Variants in COMMD10 observed in about 807,000 individuals in gnomAD.
The protein encoded by COMMD10 is COMM domain containing 10.
Under a neutral mutation model 28.9 loss-of-function variants are expected in COMMD10, and 33 were observed. The ratio of observed to expected loss-of-function variants is 1.14; its 90% CI spans 0.87 to 1.53. COMMD10 has a LOEUF of 1.53. COMMD10 is among the 40% of genes most tolerant of loss of function. COMMD10 has a pLI of 0.00. For synonymous variants in COMMD10, 110 were observed against 81.7 expected (o/e 1.35, Z -1.87); for missense variants, 310 against 233.4 (o/e 1.33, Z -2.14).
intron 4 of COMMD10, among the ~76,000 whole-genome samples, chr5:116,123,048 C>G (rs1031958584): frequency 2.0e-5 from 3 of 152,094 alleles, no homozygotes; most frequent in Non-Finnish European, 4.4e-5. Flanking sequence ...GCATCCCTGT[C>G]TTGTGCTAGT....
At chr5:116,130,497 G>C (rs1158211117) in intron 4 of COMMD10, among the ~76,000 whole-genome samples, 1 of 151,884 alleles carries the variant, frequency 6.6e-6, no homozygotes, top group Non-Finnish European at 1.5e-5. Context: ...TGTTAGTTGA[G>C]GCCAAAGAAA....
intron 5 of COMMD10, among the ~76,000 whole-genome samples, chr5:116,201,695 C>A (rs902158808): frequency 6.6e-6 from 1 of 151,954 alleles, no homozygotes; most frequent in Non-Finnish European, 1.5e-5. Flanking sequence ...ACCAGAAATC[C>A]CAGCTTAATG....
intron 4 of COMMD10, among the ~76,000 whole-genome samples, chr5:116,098,737 A>G (rs1009736353): frequency 1.3e-5 from 2 of 152,190 alleles, no homozygotes; most frequent in African/African-American, 4.8e-5. Flanking sequence ...CTGAATTCAA[A>G]GAGGGTAAGA....
chr5:116,149,298 T>C (rs1468310359), intron 5 of COMMD10, among the ~76,000 whole-genome samples: 1 of 143,624 alleles, frequency 7.0e-6, no homozygotes, highest in Non-Finnish European at 1.5e-5. Flanking sequence ...CTATTGTGAA[T>C]AGTGCCGCAA....
rs6884520 is a variant in COMMD10 at position 116,243,135 on chromosome 5, C to G, written c.511-48382C>G. Among the ~76,000 whole-genome samples, 1,222 of 152,178 alleles carry G rather than the reference C, an allele frequency of 8.0e-3. 20 individuals carry two copies. Among genetic ancestry groups the G allele is most frequent in the African/African-American group, 0.028 (1,146 of 41,518 alleles). On this transcript the variant is annotated intron_variant, in intron 5 of 6. Coordinates refer to ENST00000274458, the MANE Select transcript of COMMD10 (RefSeq NM_016144.4). ...AACAAATAGACAACTTGTCATATTT[C>G]AAAATTAAATGCTGACTGCACTATG...
At chr5:116,226,572 G>A (rs898939719) in intron 5 of COMMD10, among the ~76,000 whole-genome samples, 7 of 151,580 alleles carry the variant, frequency 4.6e-5, no homozygotes, top group Non-Finnish European at 7.4e-5. Flanking sequence ...AAAATAGTTC[G>A]GCATTGAACT....
chr5:116,291,907 G>A (rs1434473079), intron 6 of COMMD10, among the ~76,000 whole-genome samples: 1 of 152,018 alleles, frequency 6.6e-6, no homozygotes, highest in Non-Finnish European at 1.5e-5. Context: ...GGGCCCAAGG[G>A]TAAAGGGAAA....
chr5:116,271,020 G>C (rs191987024), intron 5 of COMMD10, among the ~76,000 whole-genome samples: 2 of 151,360 alleles, frequency 1.3e-5, no homozygotes, highest in African/African-American at 4.9e-5. Flanking sequence ...CATAAATTGG[G>C]GCAGGAAATC....
At chr5:116,169,871 C>T (rs1214323501) in intron 5 of COMMD10, among the ~76,000 whole-genome samples, 1 of 152,132 alleles carries the variant, frequency 6.6e-6, no homozygotes, top group African/African-American at 2.4e-5. Flanking sequence ...GACATACCCA[C>T]AGCCAATATC....
chr5:116,170,231 A>G (rs1252326910), intron 5 of COMMD10, among the ~76,000 whole-genome samples: 1 of 152,196 alleles, frequency 6.6e-6, no homozygotes, highest in Non-Finnish European at 1.5e-5. Flanking sequence ...GCAAACTCCC[A>G]TTCACAATTG....
At chr5:116,161,365 T>C (rs1283503284) in intron 5 of COMMD10, among the ~76,000 whole-genome samples, 1 of 152,216 alleles carries the variant, frequency 6.6e-6, no homozygotes, top group African/African-American at 2.4e-5. Flanking sequence ...TGAATAAATG[T>C]ATTTCTTCCT....
intron 5 of COMMD10, among the ~76,000 whole-genome samples, chr5:116,271,609 A>T (rs1750759672): frequency 6.6e-6 from 1 of 151,710 alleles, no homozygotes; most frequent in Admixed American, 6.6e-5. Flanking sequence ...AACATTTAAG[A>T]AGGCATTAGT....
intron 5 of COMMD10, among the ~76,000 whole-genome samples, chr5:116,169,162 G>A (rs891388360): frequency 6.6e-6 from 1 of 151,846 alleles, no homozygotes; most frequent in Non-Finnish European, 1.5e-5. Context: ...ATGATAAAGG[G>A]GATATCACCA....
At chr5:116,188,764 G>C (rs1748241104) in intron 5 of COMMD10, among the ~76,000 whole-genome samples, 1 of 151,270 alleles carries the variant, frequency 6.6e-6, no homozygotes, top group East Asian at 2.0e-4. Context: ...AAGTAGCTGA[G>C]ACTACAGGTG....
At chr5:116,151,535 G>T (rs536294380) in intron 5 of COMMD10, among the ~76,000 whole-genome samples, 12 of 152,086 alleles carry the variant, frequency 7.9e-5, no homozygotes, top group East Asian at 3.9e-4. Flanking sequence ...CAATTTCAGA[G>T]CCTGTTATTG....
At chr5:116,118,698 A>C in intron 4 of COMMD10, among the ~76,000 whole-genome samples, 1 of 151,898 alleles carries the variant, frequency 6.6e-6, no homozygotes, top group Non-Finnish European at 1.5e-5. Flanking sequence ...TTTCTCTTTA[A>C]AAGTGAAAAT....
intron 5 of COMMD10, among the ~76,000 whole-genome samples, chr5:116,244,980 A>T (rs1458634806): frequency 1.3e-5 from 2 of 151,984 alleles, no homozygotes; most frequent in Non-Finnish European, 2.9e-5. Flanking sequence ...AAATAACCAA[A>T]ATCAGAGCTG....
intron 5 of COMMD10, among the ~76,000 whole-genome samples, chr5:116,226,594 T>C (rs187712508): frequency 5.8e-4 from 88 of 152,026 alleles, no homozygotes; most frequent in Middle Eastern, 3.4e-3. Context: ...AGTAGCAATA[T>C]TGGGGGACTT....
At chr5:116,164,098 C>G (rs1314848534) in intron 5 of COMMD10, among the ~76,000 whole-genome samples, 1 of 152,122 alleles carries the variant, frequency 6.6e-6, no homozygotes, top group East Asian at 1.9e-4. Flanking sequence ...GGGCGGATCA[C>G]CTGACGTCAG....
Sources: gnomAD v4.1 joint callset for allele counts (sites outside exome capture counted in the v4.1 genomes callset) on GRCh38, gnomAD v4.1.1 for gene constraint, MANE v1.5 for transcripts, NCBI Gene and HGNC (gene_info 2026-07-23, HGNC 2026-07-21) for gene names.